ZNF462: variants seen among roughly 807,000 people sequenced by gnomAD.
The protein encoded by ZNF462 is zinc finger PBX1-interacting protein.
In ZNF462, 10 loss-of-function variants were observed where a neutral mutation model predicts 201.9. The ratio of observed to expected loss-of-function variants is 0.05; its 90% CI spans 0.03 to 0.08. The LOEUF is 0.08. Ranked by LOEUF, ZNF462 falls within the 10% of genes least tolerant of loss-of-function variation. ZNF462 has a pLI of 1.00. For missense variants in ZNF462, 2,523 were observed against 3,168.3 expected (o/e 0.80, Z 4.89); for synonymous variants, 1,227 against 1,193.3 (o/e 1.03, Z -0.58).
In ZNF462 at chr9:107,012,119, TTTTTTTTTTTA is replaced by T. The variant is rs1829954557; in HGVS notation, c.*1090_*1100del. 1.5e-5 allele frequency: 2 copies of T among 135,268 alleles called. No individual in the cohort carries two copies. The highest frequency in any genetic ancestry group is 5.7e-5 in the African/African-American group (2 of 34,908). 8.4% of individuals were successfully genotyped at this position (135,268 alleles called of 1,614,324 possible). The stretch of plus-strand genomic sequence containing the variant: ...AAGTTAACTTTCTTTTTTTTTTTTT[TTTTTTTTTTTA>T]ATTTAACTAAAGAACCAAACTTTCG... On this transcript the variant is annotated 3_prime_UTR_variant, in exon 13 of 13. Coordinates refer to ENST00000277225, the MANE Select transcript of ZNF462 (RefSeq NM_021224.6).
intron 10 of ZNF462, among the ~76,000 whole-genome samples, chr9:107,000,537 G>C (rs186757450): frequency 3.9e-5 from 6 of 152,038 alleles, no homozygotes; most frequent in Non-Finnish European, 8.8e-5. Flanking sequence ...TTCAAATACC[G>C]TCATAACCCA....
rs1827655374 is a variant in ZNF462 at position 106,872,863 on chromosome 9, GGACTGACTCATAGTTAATACTGGACAAC to G, written c.-31+9510_-31+9537del. Among the ~76,000 whole-genome samples, 1 of 152,068 alleles carries G rather than the reference GGACTGACTCATAGTTAATACTGGACAAC, an allele frequency of 6.6e-6. No homozygotes were observed. The highest frequency in any genetic ancestry group is 1.5e-5 in the Non-Finnish European group (1 of 68,022). On this transcript the variant is annotated intron_variant, in intron 1 of 12. Coordinates refer to ENST00000277225, the MANE Select transcript of ZNF462 (RefSeq NM_021224.6). This position sits in a 1 kb window ranked among gnomAD's most constrained non-coding sequence, Gnocchi z 4.5. ...CTTAAAAAATGCTGTCTTCCCTCGT[GGACTGACTCATAGTTAATACTGGACAAC>G]GGTTTTTATTTTTTTTTAACATTTA...
rs951765776 is a variant in ZNF462, at chr9:107,012,808, C to T, written c.*1778C>T. ...GAGATGACAGTGTCCCACACAGCTT[C>T]AAATAAAATCCATGGAAAGATGTTG... On this transcript the variant is annotated 3_prime_UTR_variant, in exon 13 of 13. Transcript: ENST00000277225. 6.6e-6 allele frequency: 1 copy of T among 150,766 alleles called. No homozygotes were observed. The highest frequency in any genetic ancestry group is 6.6e-5 in the Admixed American group (1 of 15,052). 9.3% of individuals were successfully genotyped at this position (150,766 alleles called of 1,614,324 possible). A position where few individuals can be genotyped will look rare whatever the true frequency, so the allele number is the denominator to read the frequency against.
chr9:106,962,988 G>A lies in ZNF462; in HGVS notation c.6428-9017G>A, dbSNP rs894463117. 3.9e-5 allele frequency among the ~76,000 whole-genome samples: 6 copies of A among 152,150 alleles called. No homozygotes were observed. Among genetic ancestry groups the A allele is most frequent in the Admixed American group, 1.3e-4 (2 of 15,270 alleles). On this transcript the variant is annotated intron_variant, in intron 7 of 12. Coordinates refer to ENST00000277225, the MANE Select transcript of ZNF462 (RefSeq NM_021224.6). This position sits in a 1 kb window ranked among gnomAD's most constrained non-coding sequence, Gnocchi z 4.6. ...TAAAATAATGTGACTGCCTTTAGAG[G>A]CGTATGTTCCCCCTTAGACACTATG...
At chr9:106,860,523 T>C (rs927373064), upstream of ZNF462, among the ~76,000 whole-genome samples, 1 of 151,972 alleles carries the variant, frequency 6.6e-6, no homozygotes, top group African/African-American at 2.4e-5. This position sits in a 1 kb window ranked among gnomAD's most constrained non-coding sequence, Gnocchi z 7.1. Context: ...GCCCCCATCT[T>C]AGGACTTACG....
Position 106,870,231 on chromosome 9 carries a change from G to C in ZNF462, c.-31+6876G>C, listed in dbSNP as rs1336423510. 6.6e-6 allele frequency among the ~76,000 whole-genome samples: 1 copy of C among 152,116 alleles called. No individual in the cohort carries two copies. Among genetic ancestry groups the C allele is most frequent in the Non-Finnish European group, 1.5e-5 (1 of 68,022 alleles). ...TTACTTCTGGTGAGCACATTACTTG[G>C]TGTCTTCAAAGCATTCTTGCCTAAT... On this transcript the variant is annotated intron_variant, in intron 1 of 12. Transcript: ENST00000277225. The surrounding 1 kb of genome is among the most constrained non-coding windows in gnomAD (Gnocchi z 4.3).
intron 7 of ZNF462, among the ~76,000 whole-genome samples, chr9:106,971,149 A>G (rs1826586782): frequency 1.3e-5 from 2 of 152,016 alleles, no homozygotes; most frequent in Non-Finnish European, 2.9e-5. Context: ...AAACATTTTT[A>G]TATTTGTGTG....
upstream of ZNF462, among the ~76,000 whole-genome samples, chr9:106,860,512 G>A (rs935850086): frequency 6.6e-6 from 1 of 151,924 alleles, no homozygotes; most frequent in African/African-American, 2.4e-5. This position sits in a 1 kb window ranked among gnomAD's most constrained non-coding sequence, Gnocchi z 7.1. Context: ...AGGGAAGGAC[G>A]GCCCCCATCT....
chr9:106,937,835 A>G (rs1830695218), intron 6 of ZNF462, among the ~76,000 whole-genome samples: 1 of 152,184 alleles, frequency 6.6e-6, no homozygotes, highest in African/African-American at 2.4e-5. Context: ...TTATGGTTGT[A>G]AATTTAGGTT....
chr9:107,005,303 C>T lies in ZNF462; in HGVS notation c.7189+1877C>T, dbSNP rs546936168. Among the ~76,000 whole-genome samples the T allele has an allele frequency of 1.2e-4, 19 of 152,252 alleles. No individual in the cohort carries two copies. Among genetic ancestry groups the T allele is most frequent in the South Asian group, 8.3e-4 (4 of 4,828 alleles). ...AGGAACCTCCATGCTGTTTCCATAA[C>T]GGGTGTACTAATTTGCAGTCCCACC... On this transcript the variant is annotated intron_variant, in intron 11 of 12. Coordinates refer to ENST00000277225, the MANE Select transcript of ZNF462 (RefSeq NM_021224.6). This position sits in a 1 kb window ranked among gnomAD's most constrained non-coding sequence, Gnocchi z 4.4.
At position 106,924,749 on chromosome 9, in the gene ZNF462, A is replaced by G. The variant is rs1417773557; in HGVS notation, c.837A>G (p.Gln279=). ...AGATCCTTTCCAGTCTCAGACAGCA[A>G]CAAGAAGGAACTAATCTACCTGATG... ...MVKILSSLRQ[Q]QEGTNLPDVP... is the part of the protein sequence containing the mutation. Residue 279 remains glutamine (Q), a synonymous_variant, in exon 3 of 13, where the codon CAA becomes CAG. Coordinates refer to ENST00000277225, the MANE Select transcript of ZNF462 (RefSeq NM_021224.6). The surrounding 1 kb of genome is among the most constrained non-coding windows in gnomAD (Gnocchi z 6.2). 1 of 1,614,146 alleles carries G rather than the reference A, an allele frequency of 6.2e-7. No homozygotes were observed. The highest frequency in any genetic ancestry group is 8.5e-7 in the Non-Finnish European group (1 of 1,180,016).
Position 106,957,241 on chromosome 9 carries a change from G to A in ZNF462, c.6428-14764G>A, listed in dbSNP as rs535715735. 5.3e-5 allele frequency among the ~76,000 whole-genome samples: 8 copies of A among 152,142 alleles called. No homozygotes were observed. The South Asian group carries it at 1.2e-3, about 24-fold the overall frequency. ...TCATTGGCCTAATTTCAATATTGTCGTGGCTCAGGGAATAGGGAGGTCCAA... is the reference window on the plus strand; with the variant it reads ...TCATTGGCCTAATTTCAATATTGTCATGGCTCAGGGAATAGGGAGGTCCAA... On this transcript the variant is annotated intron_variant, in intron 7 of 12. Coordinates refer to ENST00000277225, the MANE Select transcript of ZNF462 (RefSeq NM_021224.6).
At position 106,872,842 on chromosome 9, in the gene ZNF462, A is replaced by G. The variant is rs1251514680; in HGVS notation, c.-31+9487A>G. Among the ~76,000 whole-genome samples the G allele has an allele frequency of 6.6e-6, 1 of 152,190 alleles. No individual in the cohort carries two copies. Among genetic ancestry groups the G allele is most frequent in the East Asian group, 1.9e-4 (1 of 5,198 alleles). On this transcript the variant is annotated intron_variant, in intron 1 of 12. Transcript: ENST00000277225. The surrounding 1 kb of genome is among the most constrained non-coding windows in gnomAD (Gnocchi z 4.5). ...AGTGGGAATACCACATAGGACCTTA[A>G]AAAATGCTGTCTTCCCTCGTGGACT...
rs139705438 is a variant in ZNF462 at position 106,927,707 on chromosome 9, C to G, written c.3795C>G (p.Leu1265=). The change falls in exon 3 of 13, where the codon CTC becomes CTG. Residue 1265 remains leucine (L), a synonymous_variant. Transcript: ENST00000277225. ...LERDKTKLRA[L]KCRQCSYTSP... ...GGGACAAAACGAAACTCCGAGCACT[C>G]AAATGTAGGCAGTGCTCATATACCT... is the stretch of plus-strand genomic sequence containing the variant. 3.1e-6 allele frequency: 5 copies of G among 1,613,982 alleles called. No homozygotes were observed. Among genetic ancestry groups the G allele is most frequent in the Non-Finnish European group, 4.2e-6 (5 of 1,180,034 alleles).
At position 106,932,806 on chromosome 9, in the gene ZNF462, G is replaced by A. The variant is rs1471028156; in HGVS notation, c.6116+257G>A. The stretch of plus-strand genomic sequence containing the variant: ...AGGAATTGCTATGATTTACCCAAAG[G>A]TAAAATGGCATCTGTGGAGAGTAGA... On this transcript the variant is annotated intron_variant, in intron 5 of 12. Coordinates refer to ENST00000277225, the MANE Select transcript of ZNF462 (RefSeq NM_021224.6). The surrounding 1 kb of genome is among the most constrained non-coding windows in gnomAD (Gnocchi z 6.8). 6.8e-6 allele frequency: 4 copies of A among 584,670 alleles called. No individual in the cohort carries two copies. The highest frequency in any genetic ancestry group is 3.7e-5 in the African/African-American group (2 of 53,548). The allele number at this position is 584,670 out of a possible 1,614,324, so 36.2% of individuals were successfully genotyped here. A position where few individuals can be genotyped will look rare whatever the true frequency, so the allele number is the denominator to read the frequency against.
At chr9:106,888,333 G>A (rs529462570) in intron 1 of ZNF462, among the ~76,000 whole-genome samples, 6 of 152,160 alleles carry the variant, frequency 3.9e-5, no homozygotes, top group African/African-American at 9.7e-5. Flanking sequence ...GAGCCACCGC[G>A]CCCGGCCAAA....
At chr9:106,861,167 G>A (rs1827055749), upstream of ZNF462, among the ~76,000 whole-genome samples, 2 of 152,012 alleles carry the variant, frequency 1.3e-5, no homozygotes, top group Admixed American at 6.5e-5. Context: ...AGGAGAAAAG[G>A]GCAGGAAGTG....
chr9:106,862,150 C>G (rs888153963), upstream of ZNF462, among the ~76,000 whole-genome samples: 2 of 152,112 alleles, frequency 1.3e-5, no homozygotes, highest in African/African-American at 2.4e-5. This position sits in a 1 kb window ranked among gnomAD's most constrained non-coding sequence, Gnocchi z 4.2. Context: ...CTTCAAAATA[C>G]GTGCCAGTAA....
chr9:106,920,638 G>C lies in ZNF462; in HGVS notation c.-30-2716G>C, dbSNP rs571212029. On this transcript the variant is annotated intron_variant, in intron 1 of 12. Transcript: ENST00000277225. This position sits in a 1 kb window ranked among gnomAD's most constrained non-coding sequence, Gnocchi z 4.3. The stretch of plus-strand genomic sequence containing the variant: ...TTTCCAAATCAGTGACTCTTTTTCT[G>C]ATCTCATAACCCTTTAATCTCCTTT... Among the ~76,000 whole-genome samples the C allele has an allele frequency of 3.9e-5, 6 of 152,202 alleles. No homozygotes were observed. The highest frequency in any genetic ancestry group is 1.4e-4 in the African/African-American group (6 of 41,526).
Sources: allele counts gnomAD v4.1 joint callset (sites outside exome capture counted in the v4.1 genomes callset), GRCh38; gene constraint gnomAD v4.1.1; non-coding constraint Gnocchi (gnomAD v3.1); transcripts MANE v1.5; gene names NCBI Gene and HGNC (gene_info 2026-07-23, HGNC 2026-07-21).